GIGYF2: variants seen among roughly 807,000 people sequenced by gnomAD.
GIGYF2 encodes GRB10-interacting GYF protein 2.
In GIGYF2, 25 loss-of-function variants were observed where a neutral mutation model predicts 208.1. That is an observed-to-expected ratio of 0.12 (90% CI 0.09 to 0.17). The LOEUF is 0.17. Ranked by LOEUF, GIGYF2 falls within the 10% of genes least tolerant of loss-of-function variation. The pLI, the probability that GIGYF2 is intolerant of heterozygous loss-of-function variation, is 1.00. For synonymous variants in GIGYF2, 534 were observed against 543.8 expected (o/e 0.98, Z 0.25); for missense variants, 1,302 against 1,579.4 (o/e 0.82, Z 2.98).
At chr2:232,784,581 G>A (rs567341298) in intron 8 of GIGYF2, among the ~76,000 whole-genome samples, 20 of 139,546 alleles carry the variant, frequency 1.4e-4, no homozygotes, top group Middle Eastern at 3.8e-3. Flanking sequence ...TAGTAGAGAT[G>A]GGGTTTCATC....
chr2:232,797,253 C>A (rs1433679106), intron 14 of GIGYF2, among the ~76,000 whole-genome samples: 2 of 152,118 alleles, frequency 1.3e-5, no homozygotes, highest in African/African-American at 4.8e-5. Context: ...TTCTTCATTT[C>A]TGCTTTTGAA....
intron 2 of GIGYF2, among the ~76,000 whole-genome samples, chr2:232,706,513 C>G (rs1045039683): frequency 2.6e-5 from 4 of 152,162 alleles, no homozygotes; most frequent in African/African-American, 9.7e-5. Context: ...CGTGGTGGCT[C>G]ACGCCTGTAA....
chr2:232,775,668 T>C (rs1053022139), intron 8 of GIGYF2, among the ~76,000 whole-genome samples: 1 of 152,216 alleles, frequency 6.6e-6, no homozygotes. Context: ...GCAGCTTCAC[T>C]GATCATCAGA....
Position 232,847,345 on chromosome 2 carries a change from C to T in GIGYF2, c.3461-3C>T, listed in dbSNP as rs1559167688. 1.2e-6 allele frequency: 2 copies of T among 1,609,556 alleles called. No individual in the cohort carries two copies. Among genetic ancestry groups the T allele is most frequent in the East Asian group, 2.2e-5 (1 of 44,870 alleles). On this transcript the variant is annotated splice_polypyrimidine_tract_variant and splice_region_variant and intron_variant, in intron 26 of 28. Coordinates refer to ENST00000373563, the MANE Select transcript of GIGYF2 (RefSeq NM_001103146.3). ...CCTTATCTTCTCCCCTCCCGTTTTG[C>T]AGTTCCCACATTTGTTTCTTTCCTG...
intron 8 of GIGYF2, among the ~76,000 whole-genome samples, chr2:232,770,572 A>T (rs778254604): frequency 4.6e-5 from 7 of 151,116 alleles, no homozygotes; most frequent in Non-Finnish European, 1.0e-4. Flanking sequence ...CAAAATGATT[A>T]GCTTCAGTGA....
intron 2 of GIGYF2, among the ~76,000 whole-genome samples, chr2:232,713,665 A>G (rs1212760426): frequency 6.6e-6 from 1 of 152,182 alleles, no homozygotes; most frequent in Non-Finnish European, 1.5e-5. Context: ...TTCTTTAGCT[A>G]TGACAGTTTC....
At chr2:232,856,099 G>GT (rs1480403348) in intron 28 of GIGYF2, among the ~76,000 whole-genome samples, 1 of 151,646 alleles carries the variant, frequency 6.6e-6, no homozygotes, top group African/African-American at 2.4e-5. Flanking sequence ...CCTAGCTAAT[G>GT]TTTTTTTGTA....
intron 2 of GIGYF2, among the ~76,000 whole-genome samples, chr2:232,713,841 T>C (rs2106260737): frequency 6.6e-6 from 1 of 152,376 alleles, no homozygotes; most frequent in African/African-American, 2.4e-5. Context: ...AGAGTATATA[T>C]GTCAGCATGA....
intron 14 of GIGYF2, among the ~76,000 whole-genome samples, chr2:232,801,415 C>T (rs1700395670): frequency 6.6e-6 from 1 of 152,066 alleles, no homozygotes; most frequent in Non-Finnish European, 1.5e-5. Flanking sequence ...GTCCCAGCTA[C>T]TTGGGAGGCT....
At chr2:232,805,837 A>C (rs1700545594) in intron 14 of GIGYF2, among the ~76,000 whole-genome samples, 1 of 152,198 alleles carries the variant, frequency 6.6e-6, no homozygotes, top group Non-Finnish European at 1.5e-5. Context: ...CTGAAGTGGA[A>C]GTTCCAGGGC....
At chr2:232,744,940 T>C (rs1698094607) in intron 3 of GIGYF2, among the ~76,000 whole-genome samples, 1 of 152,158 alleles carries the variant, frequency 6.6e-6, no homozygotes, top group African/African-American at 2.4e-5. Context: ...TCTGTTATGT[T>C]TGGGTTGTTG....
intron 3 of GIGYF2, among the ~76,000 whole-genome samples, chr2:232,740,630 C>T (rs528926042): frequency 6.6e-6 from 1 of 152,200 alleles, no homozygotes; most frequent in South Asian, 2.1e-4. Flanking sequence ...TTGGTAAGCC[C>T]ATTGTTGAGC....
At chr2:232,820,316 C>CTT (rs199677992) in intron 21 of GIGYF2, among the ~76,000 whole-genome samples, 12 of 138,762 alleles carry the variant, frequency 8.6e-5, no homozygotes, top group East Asian at 2.1e-4. Flanking sequence ...GCAATAATTT[C>CTT]TTTTTTTTTT....
chr2:232,800,940 C>T (rs1700379501), intron 14 of GIGYF2, among the ~76,000 whole-genome samples: 1 of 151,770 alleles, frequency 6.6e-6, no homozygotes, highest in Non-Finnish European at 1.5e-5. Flanking sequence ...TGCAGTGGGG[C>T]AATCTTGGCT....
At chr2:232,849,393 C>T (rs780103435) in intron 27 of GIGYF2, among the ~76,000 whole-genome samples, 9 of 151,994 alleles carry the variant, frequency 5.9e-5, no homozygotes, top group Non-Finnish European at 8.8e-5. Context: ...CTTGAACTCC[C>T]GACCTCATGA....
At chr2:232,701,612 T>A (rs2106240020) in intron 1 of GIGYF2, among the ~76,000 whole-genome samples, 1 of 151,822 alleles carries the variant, frequency 6.6e-6, no homozygotes, top group East Asian at 2.0e-4. Flanking sequence ...TTTGTAGAGA[T>A]GGGGTCTCAC....
At chr2:232,782,750 A>G (rs1699761855) in intron 8 of GIGYF2, 1 of 152,210 alleles carries the variant, frequency 6.6e-6, no homozygotes, top group Non-Finnish European at 1.5e-5. Flanking sequence ...AATCTTCGTA[A>G]TGTTCAGCAA....
chr2:232,844,074 A>C lies in GIGYF2; in HGVS notation c.2918A>C (p.Lys973Thr). The change falls in exon 24 of 29, where the codon AAA becomes ACA. Residue 973 changes from lysine (K) to threonine (T), a missense_variant. Physicochemically the swap from Lys to Thr is moderately conservative, Grantham distance 78 (BLOSUM62 -1). This residue lies in a region of GIGYF2 where 701 missense variants were observed against 793.0 expected (regional missense o/e 0.88). Coordinates refer to ENST00000373563, the MANE Select transcript of GIGYF2 (RefSeq NM_001103146.3). The stretch of plus-strand genomic sequence containing the variant: ...AGGCGCCAGCAGAGGGAGTTGATGA[A>C]AGCTCTTCAGCAGCAGCAGCAACAG... Reference protein sequence around the residue: ...EQRRQQRELMKALQQQQQQQQ... With the variant: ...EQRRQQRELMTALQQQQQQQQ... The C allele has an allele frequency of 1.2e-6, 2 of 1,612,432 alleles. No homozygotes were observed. The highest frequency in any genetic ancestry group is 1.7e-6 in the Non-Finnish European group (2 of 1,178,936).
At chr2:232,700,264 A>G (rs957307116) in intron 1 of GIGYF2, among the ~76,000 whole-genome samples, 2 of 152,028 alleles carry the variant, frequency 1.3e-5, no homozygotes, top group Admixed American at 6.6e-5. Flanking sequence ...TTGTTTTTCT[A>G]TTGTGTTTTT....
Sources: allele counts gnomAD v4.1 joint callset (sites outside exome capture counted in the v4.1 genomes callset), GRCh38; gene constraint gnomAD v4.1.1; regional missense constraint gnomAD v4.1.1; transcripts MANE v1.5; gene names NCBI Gene and HGNC (gene_info 2026-07-23, HGNC 2026-07-21).